The following NCMAP variants were observed in gnomAD, a reference collection of about 807,000 sequenced individuals.
NCMAP encodes the protein non-compact myelin associated protein, also known as noncompact myelin-associated protein.
A neutral mutation model predicts 7.8 loss-of-function variants in NCMAP; 8 were observed. The observed-to-expected ratio is 1.02, with a 90% CI of 0.60 to 1.84. The LOEUF (loss-of-function observed/expected upper bound fraction) is 1.84. NCMAP is among the 40% of genes most tolerant of loss of function. The probability of loss-of-function intolerance (pLI) is 0.00; values close to 1 mark genes in which losing one functional copy is unlikely to be tolerated. For missense variants in NCMAP, 112 were observed against 131.4 expected, an observed-to-expected ratio of 0.85 and a Z score of 0.72; for synonymous variants, 41 against 52.9, an observed-to-expected ratio of 0.78 and a Z score of 0.98.
At chr1:24,593,331 A>AT (rs1491308318) in intron 1 of NCMAP, among the ~76,000 whole-genome samples, 1 of 144,016 alleles carries the variant, frequency 6.9e-6, no homozygotes, top group African/African-American at 2.6e-5. Flanking sequence ...TAAAAAAAAA[A>AT]GAGTTTTTTT....
intron 1 of NCMAP, among the ~76,000 whole-genome samples, chr1:24,556,526 C>T (rs543643762): frequency 1.3e-5 from 2 of 152,304 alleles, no homozygotes; most frequent in South Asian, 4.1e-4. Flanking sequence ...GAACTTTTAC[C>T]CACTTGGGGC....
At chr1:24,592,432 T>C (rs1452591539) in intron 1 of NCMAP, among the ~76,000 whole-genome samples, 4 of 152,128 alleles carry the variant, frequency 2.6e-5, no homozygotes, top group Non-Finnish European at 5.9e-5. Context: ...ATGTGTTTCA[T>C]AGATATGTAC....
At chr1:24,597,690 GAA>G (rs1185169475) in intron 2 of NCMAP, among the ~76,000 whole-genome samples, 2 of 132,180 alleles carry the variant, frequency 1.5e-5, no homozygotes, top group Admixed American at 1.6e-4. Flanking sequence ...AAGAAAGAAA[GAA>G]AGAGAAAGAA....
intron 1 of NCMAP, among the ~76,000 whole-genome samples, chr1:24,563,287 C>A (rs189050126): frequency 2.0e-5 from 3 of 150,904 alleles, no homozygotes; most frequent in African/African-American, 7.4e-5. Context: ...TTTGGGAGGC[C>A]GAGGCAGGCA....
chr1:24,603,066 A>T (rs969653168), intron 3 of NCMAP, among the ~76,000 whole-genome samples: 4 of 152,078 alleles, frequency 2.6e-5, no homozygotes, highest in Non-Finnish European at 4.4e-5. Flanking sequence ...AAAATAAAAT[A>T]AATAAATAAT....
intron 1 of NCMAP, among the ~76,000 whole-genome samples, chr1:24,575,755 G>A (rs1651536844): frequency 6.6e-6 from 1 of 151,742 alleles, no homozygotes. Flanking sequence ...AGACCAGCCT[G>A]ACCAGCATGG....
intron 1 of NCMAP, among the ~76,000 whole-genome samples, chr1:24,561,004 G>A (rs1651032766): frequency 6.6e-6 from 1 of 151,864 alleles, no homozygotes; most frequent in Admixed American, 6.6e-5. Flanking sequence ...AGCCTGGGGC[G>A]ATTTTGCCTT....
rs905337998 is a variant in NCMAP, at chr1:24,607,708, T to C, written c.*1961T>C. 1 of 152,128 alleles carries C rather than the reference T, an allele frequency of 6.6e-6. No homozygotes were observed. Among genetic ancestry groups the C allele is most frequent in the African/African-American group, 2.4e-5 (1 of 41,400 alleles). 9.4% of individuals were successfully genotyped at this position (152,128 alleles called of 1,614,324 possible). Reference sequence around the variant, plus strand: ...GGCAAAACCCTGTCTCTACTAATAATACAAAATTTAGCTGGGCATGGTGGC... The same window carrying C: ...GGCAAAACCCTGTCTCTACTAATAACACAAAATTTAGCTGGGCATGGTGGC... On this transcript the variant is annotated 3_prime_UTR_variant, in exon 4 of 4. Coordinates refer to ENST00000374392, the MANE Select transcript of NCMAP (RefSeq NM_001010980.5).
chr1:24,602,496 G>A lies in NCMAP; in HGVS notation c.167+1472G>A, dbSNP rs1368680560. Among the ~76,000 whole-genome samples the A allele has an allele frequency of 9.9e-5, 13 of 131,354 alleles. 1 individual carries two copies. Among genetic ancestry groups the A allele is most frequent in the African/African-American group, 4.9e-4 (13 of 26,602 alleles). The allele number at this position is 131,354 out of a possible 152,430, so 86.2% of individuals were successfully genotyped here. On this transcript the variant is annotated intron_variant, in intron 3 of 3. Transcript: ENST00000374392. The stretch of plus-strand genomic sequence containing the variant: ...GAGGCAGGAGAATGGCGTGAACCCG[G>A]AAGGCGGAGCTTGCAGTGAGCGGAG...
In NCMAP at chr1:24,560,222, G is replaced by T. The variant is rs566445867; in HGVS notation, c.-8+4053G>T. On this transcript the variant is annotated intron_variant, in intron 1 of 3. Coordinates refer to ENST00000374392, the MANE Select transcript of NCMAP (RefSeq NM_001010980.5). ...TTGCCTCTGAAGAAACTTGTGTCTG[G>T]GGAGCTACCTTTTGGGGCAAACAAC... Among the ~76,000 whole-genome samples, 5 of 152,008 alleles carry T rather than the reference G, an allele frequency of 3.3e-5. No individual in the cohort carries two copies. The South Asian group carries it at 1.0e-3, about 32-fold the overall frequency.
intron 1 of NCMAP, among the ~76,000 whole-genome samples, chr1:24,592,377 G>C (rs1206605538): frequency 1.3e-5 from 2 of 152,126 alleles, no homozygotes; most frequent in African/African-American, 4.8e-5. Context: ...CCAGCACTGA[G>C]CCCAGCATCA....
intron 1 of NCMAP, among the ~76,000 whole-genome samples, chr1:24,583,370 G>A (rs1651793101): frequency 6.6e-6 from 1 of 152,130 alleles, no homozygotes; most frequent in South Asian, 2.1e-4. Context: ...CATACTCTGA[G>A]GCCTGGCTGT....
At chr1:24,562,208 G>C (rs1015814226) in intron 1 of NCMAP, among the ~76,000 whole-genome samples, 3 of 152,156 alleles carry the variant, frequency 2.0e-5, no homozygotes, top group Non-Finnish European at 4.4e-5. Flanking sequence ...CTAATTCCCA[G>C]TAACAGCGTC....
chr1:24,603,414 A>G (rs1262084079), intron 3 of NCMAP, among the ~76,000 whole-genome samples: 1 of 152,222 alleles, frequency 6.6e-6, no homozygotes, highest in Non-Finnish European at 1.5e-5. Context: ...ATCCCAAACC[A>G]GGAGTGGCAT....
At chr1:24,581,078 T>C (rs1003574707) in intron 1 of NCMAP, among the ~76,000 whole-genome samples, 1 of 151,740 alleles carries the variant, frequency 6.6e-6, no homozygotes, top group African/African-American at 2.4e-5. Context: ...AGATGAATAG[T>C]CGTGCTCCAT....
chr1:24,572,605 C>T (rs926771428), intron 1 of NCMAP, among the ~76,000 whole-genome samples: 1 of 150,732 alleles, frequency 6.6e-6, no homozygotes, highest in Non-Finnish European at 1.5e-5. Flanking sequence ...CTTGCTCACA[C>T]ACTCACCGCC....
chr1:24,594,906 T>A (rs1166905350), intron 1 of NCMAP, among the ~76,000 whole-genome samples: 1 of 151,884 alleles, frequency 6.6e-6, no homozygotes, highest in Admixed American at 6.6e-5. Context: ...AAAAATTTTT[T>A]AAATCATAGT....
chr1:24,585,963 C>G (rs1280677037), intron 1 of NCMAP, among the ~76,000 whole-genome samples: 1 of 152,128 alleles, frequency 6.6e-6, no homozygotes, highest in Non-Finnish European at 1.5e-5. Context: ...AGACAGAGAA[C>G]AAGGAATTCA....
At chr1:24,579,045 G>A (rs930571845) in intron 1 of NCMAP, among the ~76,000 whole-genome samples, 6 of 152,220 alleles carry the variant, frequency 3.9e-5, no homozygotes, top group East Asian at 1.9e-4. Context: ...GCCCGGCAGC[G>A]CGGACCTCGG....
Sources: gnomAD v4.1 joint callset for allele counts (sites outside exome capture counted in the v4.1 genomes callset) on GRCh38, gnomAD v4.1.1 for gene constraint, MANE v1.5 for transcripts, NCBI Gene and HGNC (gene_info 2026-07-23, HGNC 2026-07-21) for gene names.